The following MAPK4 variants were observed in gnomAD, a reference collection of about 807,000 sequenced individuals.
MAPK4 encodes Erk3-related.
A neutral mutation model predicts 47.7 loss-of-function variants in MAPK4; 22 were observed. The ratio of observed to expected loss-of-function variants is 0.46; its 90% confidence interval spans 0.33 to 0.66. MAPK4 has a LOEUF of 0.66. Among genes scored for constraint, MAPK4 ranks in the 30% least tolerant of loss-of-function variants. The probability of loss-of-function intolerance (pLI) is 0.02; values close to 1 mark genes in which losing one functional copy is unlikely to be tolerated. For missense variants in MAPK4, 736 were observed against 831.7 expected (o/e 0.88, Z 1.42); for synonymous variants, 390 against 365.7 (o/e 1.07, Z -0.76).
chr18:50,672,854 A>G (rs114752996), intron 2 of MAPK4, among the ~76,000 whole-genome samples: 6 of 152,138 alleles, frequency 3.9e-5, no homozygotes, highest in Non-Finnish European at 8.8e-5. Flanking sequence ...GCAGTATTTC[A>G]TTATTCAGCA....
intron 2 of MAPK4, among the ~76,000 whole-genome samples, chr18:50,679,467 T>C (rs868446376): frequency 1.9e-4 from 29 of 152,098 alleles, no homozygotes; most frequent in African/African-American, 6.5e-4. Flanking sequence ...GGGAGTTCTT[T>C]CCCACCCATA....
intron 2 of MAPK4, among the ~76,000 whole-genome samples, chr18:50,699,174 G>A (rs887925657): frequency 6.6e-6 from 1 of 152,112 alleles, no homozygotes; most frequent in Non-Finnish European, 1.5e-5. Context: ...CATCTCAATC[G>A]ATGCAGAAAA....
intron 1 of MAPK4, among the ~76,000 whole-genome samples, chr18:50,601,553 G>T (rs1003953311): frequency 6.6e-6 from 1 of 151,928 alleles, no homozygotes; most frequent in Non-Finnish European, 1.5e-5. Context: ...TCTTTTGGGT[G>T]TCCTCCTGCA....
Position 50,690,785 on chromosome 18 carries a change from A to T in MAPK4, c.547-24294A>T, listed in dbSNP as rs2144347580. 2.0e-5 allele frequency among the ~76,000 whole-genome samples: 3 copies of T among 152,274 alleles called. No individual in the cohort carries two copies. In the Middle Eastern group the frequency reaches 0.01, roughly 518 times the overall value. ...CATTCACTCTGAAGTGTACTTCTTTAATTATTGAAATTTTTAAATGAACCT... is the reference window on the plus strand; with the variant it reads ...CATTCACTCTGAAGTGTACTTCTTTTATTATTGAAATTTTTAAATGAACCT... On this transcript the variant is annotated intron_variant, in intron 2 of 5. Transcript: ENST00000400384.
At chr18:50,645,782 T>C (rs1466732344) in intron 1 of MAPK4, among the ~76,000 whole-genome samples, 1 of 152,072 alleles carries the variant, frequency 6.6e-6, no homozygotes, top group East Asian at 1.9e-4. Flanking sequence ...CATCTGAGGG[T>C]GGAAGGCTGG....
chr18:50,710,481 T>A (rs769704387), intron 2 of MAPK4, among the ~76,000 whole-genome samples: 21 of 150,388 alleles, frequency 1.4e-4, no homozygotes, highest in Non-Finnish European at 2.4e-4. Context: ...AGACCCTATC[T>A]CAAATAAATA....
intron 1 of MAPK4, among the ~76,000 whole-genome samples, chr18:50,610,212 C>A (rs2042620312): frequency 6.6e-6 from 1 of 152,198 alleles, no homozygotes; most frequent in African/African-American, 2.4e-5. Flanking sequence ...CAGGAAGCAG[C>A]CGCCACCCCC....
chr18:50,700,525 A>T (rs1347721160), intron 2 of MAPK4, among the ~76,000 whole-genome samples: 4 of 152,196 alleles, frequency 2.6e-5, no homozygotes, highest in South Asian at 2.1e-4. Flanking sequence ...ATAGTGACGC[A>T]AACATCAGCA....
chr18:50,576,957 C>A (rs2042302639), intron 1 of MAPK4, among the ~76,000 whole-genome samples: 1 of 152,134 alleles, frequency 6.6e-6, no homozygotes, highest in African/African-American at 2.4e-5. Flanking sequence ...AGGAGAGTTA[C>A]AGTAAAAATT....
rs150838442 is a variant in MAPK4 at position 50,729,761 on chromosome 18, G to A, written c.1671G>A (p.Pro557=). Residue 557 remains proline, a synonymous_variant, in exon 6 of 6, where the codon CCG becomes CCA. Coordinates refer to ENST00000400384, the MANE Select transcript of MAPK4 (RefSeq NM_002747.4). ...TCTGCACCAAGCCCGAGGACCTGCC[G>A]GACAATAAACTGGGCGACCTCAATG... ...LKLCTKPEDL[P]DNKLGDLNGA... The A allele has an allele frequency of 1.0e-3, 1,668 of 1,610,786 alleles. 19 individuals carry two copies. In the African/African-American group the frequency reaches 0.02, roughly 20 times the overall value.
At chr18:50,677,374 G>A (rs1186858151) in intron 2 of MAPK4, among the ~76,000 whole-genome samples, 1 of 152,164 alleles carries the variant, frequency 6.6e-6, no homozygotes, top group Non-Finnish European at 1.5e-5. Flanking sequence ...AACCTTTTCA[G>A]GTGGGAAGTT....
intron 2 of MAPK4, chr18:50,704,951 C>A: frequency 2.5e-6 from 1 of 394,736 alleles, no homozygotes; most frequent in Non-Finnish European, 4.5e-6. Flanking sequence ...TTCTTTCTTT[C>A]TTTTTGAGGG....
At chr18:50,621,644 C>A (rs998588300) in intron 1 of MAPK4, among the ~76,000 whole-genome samples, 2 of 152,154 alleles carry the variant, frequency 1.3e-5, no homozygotes, top group Non-Finnish European at 2.9e-5. Context: ...CAGACAGGAT[C>A]CCAGATGGTA....
At chr18:50,727,882 A>G (rs1241434264) in intron 5 of MAPK4, among the ~76,000 whole-genome samples, 1 of 152,202 alleles carries the variant, frequency 6.6e-6, no homozygotes, top group African/African-American at 2.4e-5. Flanking sequence ...TGCTATGAAG[A>G]CTACAGATAA....
intron 1 of MAPK4, among the ~76,000 whole-genome samples, chr18:50,642,655 T>C (rs2042951085): frequency 6.6e-6 from 1 of 152,214 alleles, no homozygotes; most frequent in Non-Finnish European, 1.5e-5. Context: ...CTTTGAACAC[T>C]GCATGTGGAA....
intron 2 of MAPK4, among the ~76,000 whole-genome samples, chr18:50,697,477 G>C (rs1342610648): frequency 6.6e-6 from 1 of 152,174 alleles, no homozygotes; most frequent in Non-Finnish European, 1.5e-5. Context: ...TTAACACAGT[G>C]TTTGGCAGGC....
rs568421732 is a variant in MAPK4, at chr18:50,657,988, A to G, written c.-870-5101A>G. On this transcript the variant is annotated intron_variant, in intron 1 of 5. Coordinates refer to ENST00000400384, the MANE Select transcript of MAPK4 (RefSeq NM_002747.4). ...AGGCCGTGCTAGTCAGGATGCCTGC[A>G]AGTCAGCCAGCTCGTCCCAAGGATG... Among the ~76,000 whole-genome samples the G allele has an allele frequency of 3.3e-5, 5 of 152,190 alleles. No homozygotes were observed. In the East Asian group the frequency reaches 7.7e-4, roughly 24 times the overall value.
intron 1 of MAPK4, among the ~76,000 whole-genome samples, chr18:50,659,404 T>C (rs755084103): frequency 2.0e-5 from 3 of 152,152 alleles, no homozygotes; most frequent in Admixed American, 6.5e-5. Context: ...GCTGGGGAGA[T>C]AGTTCCTGTG....
At chr18:50,638,254 T>C (rs1056645269) in intron 1 of MAPK4, among the ~76,000 whole-genome samples, 6 of 152,230 alleles carry the variant, frequency 3.9e-5, no homozygotes, top group Non-Finnish European at 7.3e-5. Context: ...TATGGCATGG[T>C]TTACAGTCCT....
Sources: gnomAD v4.1 joint callset for allele counts (sites outside exome capture counted in the v4.1 genomes callset) on GRCh38, gnomAD v4.1.1 for gene constraint, MANE v1.5 for transcripts, NCBI Gene and HGNC (gene_info 2026-07-23, HGNC 2026-07-21) for gene names.